CPNE4: variants seen among roughly 807,000 people sequenced by gnomAD.
CPNE4 encodes copine 4.
In CPNE4, 25 loss-of-function variants were observed where a neutral mutation model predicts 67.9. That is an observed-to-expected ratio of 0.37 (90% CI 0.27 to 0.51). The LOEUF is 0.51. Among genes scored for constraint, CPNE4 ranks in the 20% least tolerant of loss-of-function variants. CPNE4 has a pLI of 0.93. For missense variants in CPNE4, 464 were observed against 690.8 expected (o/e 0.67, Z 3.68); for synonymous variants, 242 against 244.9 (o/e 0.99, Z 0.11).
At chr3:131,844,259 CTTTT>C (rs569052106) in intron 2 of CPNE4, among the ~76,000 whole-genome samples, 3 of 136,152 alleles carry the variant, frequency 2.2e-5, no homozygotes, top group Admixed American at 7.4e-5. Context: ...TCTGTATGTT[CTTTT>C]TTTTTTTTTT....
chr3:131,843,672 C>G (rs574153340), intron 2 of CPNE4, among the ~76,000 whole-genome samples: 1 of 152,262 alleles, frequency 6.6e-6, no homozygotes, highest in East Asian at 1.9e-4. Context: ...AAAAATCTCC[C>G]TGAGCGTCAG....
At chr3:131,964,666 A>C (rs1372025645) in intron 1 of CPNE4, among the ~76,000 whole-genome samples, 1 of 151,842 alleles carries the variant, frequency 6.6e-6, no homozygotes, top group East Asian at 2.0e-4. Context: ...TAAAGACAAG[A>C]TTAGGGAAAA....
intron 1 of CPNE4, among the ~76,000 whole-genome samples, chr3:131,957,798 A>G (rs924247182): frequency 6.6e-6 from 1 of 152,236 alleles, no homozygotes; most frequent in Non-Finnish European, 1.5e-5. Flanking sequence ...ATTCTACTGC[A>G]TTTTCTGTGC....
chr3:131,571,765 CT>C (rs1937348320), intron 10 of CPNE4, among the ~76,000 whole-genome samples: 4 of 151,984 alleles, frequency 2.6e-5, no homozygotes, highest in African/African-American at 9.7e-5. Flanking sequence ...GTGCCTGTTG[CT>C]TCAAGGCCCT....
intron 2 of CPNE4, among the ~76,000 whole-genome samples, chr3:131,817,475 A>G (rs569959887): frequency 3.3e-5 from 5 of 152,214 alleles, no homozygotes; most frequent in Non-Finnish European, 5.9e-5. Flanking sequence ...AGGAGGTCAG[A>G]GAAGTTAGCA....
intron 2 of CPNE4, among the ~76,000 whole-genome samples, chr3:131,730,848 T>C (rs2082111885): frequency 6.6e-6 from 1 of 152,174 alleles, no homozygotes; most frequent in Admixed American, 6.5e-5. Flanking sequence ...GTCTTGATCT[T>C]GGACTTCTAG....
At chr3:132,022,958 G>T (rs1285330328) in intron 1 of CPNE4, among the ~76,000 whole-genome samples, 1 of 152,174 alleles carries the variant, frequency 6.6e-6, no homozygotes, top group Non-Finnish European at 1.5e-5. Context: ...ATGGAATTAT[G>T]TCAGCTCCGA....
intron 7 of CPNE4, among the ~76,000 whole-genome samples, chr3:131,598,997 A>G (rs543384740): frequency 6.6e-6 from 1 of 152,184 alleles, no homozygotes; most frequent in Non-Finnish European, 1.5e-5. Flanking sequence ...TTCTCATACC[A>G]CTCAGTCTAG....
chr3:131,911,451 T>A (rs1322842369), intron 1 of CPNE4, among the ~76,000 whole-genome samples: 1 of 152,074 alleles, frequency 6.6e-6, no homozygotes, highest in Non-Finnish European at 1.5e-5. Context: ...AGATAATAAA[T>A]GTGTGCTGTT....
Position 131,860,932 on chromosome 3 carries a change from A to T in CPNE4, c.180+44332T>A, listed in dbSNP as rs2086652567. ...CTGTCCGACTTCTGGACATCAGTGC[A>T]AATGCTACTTTCCTAAGCAGTATCC... On this transcript the variant is annotated intron_variant, in intron 2 of 15. Coordinates refer to ENST00000429747, the MANE Select transcript of CPNE4 (RefSeq NM_130808.3). Among the ~76,000 whole-genome samples, 5 of 152,194 alleles carry T rather than the reference A, an allele frequency of 3.3e-5. No individual in the cohort carries two copies. The South Asian group carries it at 8.3e-4, about 25-fold the overall frequency.
upstream of CPNE4, among the ~76,000 whole-genome samples, chr3:132,038,722 A>G (rs2074373562): frequency 6.6e-6 from 1 of 152,132 alleles, no homozygotes; most frequent in Admixed American, 6.5e-5. Context: ...ACCATTTTTC[A>G]TGCCTATGAT....
intron 1 of CPNE4, among the ~76,000 whole-genome samples, chr3:131,940,270 TA>T (rs1180010533): frequency 1.3e-5 from 2 of 152,114 alleles, no homozygotes; most frequent in African/African-American, 4.8e-5. Context: ...CCATGGCTAT[TA>T]AAAATTATCC....
chr3:131,626,579 G>T (rs2079079649), intron 7 of CPNE4, among the ~76,000 whole-genome samples: 1 of 152,198 alleles, frequency 6.6e-6, no homozygotes, highest in South Asian at 2.1e-4. Flanking sequence ...GCAGAATTTG[G>T]TTCATGAGGT....
chr3:131,570,711 A>C (rs983493809), intron 10 of CPNE4, among the ~76,000 whole-genome samples: 3 of 152,026 alleles, frequency 2.0e-5, no homozygotes, highest in African/African-American at 7.2e-5. Context: ...TGTCTTCAGG[A>C]GTGCCCTTGA....
At chr3:132,033,194 A>G (rs2074273160) in intron 1 of CPNE4, among the ~76,000 whole-genome samples, 1 of 152,248 alleles carries the variant, frequency 6.6e-6, no homozygotes, top group Non-Finnish European at 1.5e-5. Context: ...AACATATTAA[A>G]GTATCTTGGA....
At chr3:131,845,718 TA>T (rs1360231327) in intron 2 of CPNE4, among the ~76,000 whole-genome samples, 4 of 152,120 alleles carry the variant, frequency 2.6e-5, no homozygotes, top group African/African-American at 7.2e-5. Flanking sequence ...AATAAATCAA[TA>T]AAAAATCAAT....
intron 2 of CPNE4, among the ~76,000 whole-genome samples, chr3:131,898,994 T>C (rs1257390203): frequency 2.0e-5 from 3 of 152,164 alleles, no homozygotes; most frequent in African/African-American, 7.2e-5. Flanking sequence ...TCTGTCATGC[T>C]GGGTGTTACC....
intron 2 of CPNE4, among the ~76,000 whole-genome samples, chr3:131,902,284 T>G (rs2088582966): frequency 6.6e-6 from 1 of 152,120 alleles, no homozygotes; most frequent in Admixed American, 6.6e-5. Context: ...CTTATCACTG[T>G]GCACGGGTGG....
chr3:132,009,308 G>C (rs1009435447), intron 1 of CPNE4, among the ~76,000 whole-genome samples: 10 of 152,164 alleles, frequency 6.6e-5, no homozygotes, highest in Admixed American at 5.2e-4. Context: ...CTCTGCTCCT[G>C]GGGGAGGGGA....
Sources: gnomAD v4.1 joint callset for allele counts (sites outside exome capture counted in the v4.1 genomes callset) on GRCh38, gnomAD v4.1.1 for gene constraint, MANE v1.5 for transcripts, NCBI Gene and HGNC (gene_info 2026-07-23, HGNC 2026-07-21) for gene names.